Variants in EPB41L4B observed in about 807,000 individuals in gnomAD.
EPB41L4B encodes the protein erythrocyte membrane protein band 4.1 like 4B, also known as band 4.1-like protein 4B.
A neutral mutation model predicts 112.5 loss-of-function variants in EPB41L4B; 30 were observed. The ratio of observed to expected loss-of-function variants is 0.27; its 90% confidence interval spans 0.20 to 0.36. EPB41L4B has a LOEUF of 0.36. Ranked by LOEUF, EPB41L4B falls within the 10% of genes least tolerant of loss-of-function variation. EPB41L4B has a pLI of 1.00. For synonymous variants in EPB41L4B, 408 were observed against 439.7 expected, an observed-to-expected ratio of 0.93 and a Z score of 0.90; for missense variants, 1,024 against 1,133.3, an observed-to-expected ratio of 0.90 and a Z score of 1.38.
intron 1 of EPB41L4B, among the ~76,000 whole-genome samples, chr9:109,288,811 G>A (rs912062760): frequency 1.3e-5 from 2 of 150,816 alleles, no homozygotes; most frequent in Admixed American, 6.6e-5. Context: ...TGAGGTGGGA[G>A]GATCACTTGA....
chr9:109,255,937 T>TA (rs1025910228), intron 9 of EPB41L4B, 94 bp from the exon 10 acceptor site: 3,113 of 1,142,056 alleles, frequency 2.7e-3, no homozygotes, highest in Non-Finnish European at 3.2e-3. Flanking sequence ...AAGCTTAGAC[T>TA]AAAAAAAAAA....
chr9:109,187,807 C>T (rs1443817632), intron 22 of EPB41L4B, among the ~76,000 whole-genome samples: 6 of 152,282 alleles, frequency 3.9e-5, no homozygotes, highest in East Asian at 1.9e-4. Flanking sequence ...ACATAATGAG[C>T]GCCTTAAGGG....
At chr9:109,281,726 T>TA (rs1564317273) in intron 1 of EPB41L4B, among the ~76,000 whole-genome samples, 889 of 83,316 alleles carry the variant, frequency 0.011, no homozygotes, top group African/African-American at 0.013. Flanking sequence ...ATAAATAAAT[T>TA]AATTAATTAA....
intron 1 of EPB41L4B, among the ~76,000 whole-genome samples, chr9:109,286,964 G>C (rs1836310551): frequency 6.6e-6 from 1 of 152,182 alleles, no homozygotes; most frequent in African/African-American, 2.4e-5. Context: ...TTGCATCAAT[G>C]TTTTCTAGTT....
intron 19 of EPB41L4B, among the ~76,000 whole-genome samples, chr9:109,201,461 A>AAAAAGAAAAAT (rs1832827453): frequency 6.6e-6 from 1 of 151,840 alleles, no homozygotes; most frequent in Non-Finnish European, 1.5e-5. Context: ...AAAAAAAAAA[A>AAAAAGAAAAAT]AAAAGAAAAA....
intron 9 of EPB41L4B, 121 bp downstream of exon 9, chr9:109,256,015 G>T: frequency 8.8e-7 from 1 of 1,132,272 alleles, no homozygotes; most frequent in Non-Finnish European, 1.3e-6. Context: ...CACAACAGCA[G>T]CACCGTGTGC....
In EPB41L4B at chr9:109,320,901, C is replaced by T. The variant is rs1182307289; in HGVS notation, c.-455G>A. On this transcript the variant is annotated 5_prime_UTR_variant, in exon 1 of 26. Transcript: ENST00000374566. ...TGGTCCTGGCGCGCTCGCTCCCACT[C>T]GCCGCGCCGCGCCCGGGGCCCGAGG... is the stretch of plus-strand genomic sequence containing the variant. 6.6e-6 allele frequency: 1 copy of T among 151,594 alleles called. No homozygotes were observed. The highest frequency in any genetic ancestry group is 1.5e-5 in the Non-Finnish European group (1 of 68,958). 9.4% of individuals were successfully genotyped at this position (151,594 alleles called of 1,614,324 possible).
At chr9:109,241,210 A>G in intron 15 of EPB41L4B, 1 of 986,590 alleles carries the variant, frequency 1.0e-6, no homozygotes, top group Non-Finnish European at 1.2e-6. Flanking sequence ...CTCTTTTCAG[A>G]TGGGGAAAAT....
intron 1 of EPB41L4B, among the ~76,000 whole-genome samples, chr9:109,304,944 C>T (rs1338804933): frequency 1.3e-5 from 2 of 152,024 alleles, no homozygotes; most frequent in Non-Finnish European, 2.9e-5. Flanking sequence ...GACAATATTC[C>T]AGAGCCAGAT....
At chr9:109,202,260 C>T (rs1267720123) in intron 19 of EPB41L4B, among the ~76,000 whole-genome samples, 2 of 152,102 alleles carry the variant, frequency 1.3e-5, no homozygotes, top group African/African-American at 4.8e-5. Flanking sequence ...GGGTATGTAT[C>T]TCAGGAGTAA....
At position 109,207,796 on chromosome 9, in the gene EPB41L4B, C is replaced by A. The variant is rs553548820; in HGVS notation, c.1878+128G>T. On this transcript the variant is annotated intron_variant, in intron 18 of 25. Coordinates refer to ENST00000374566, the MANE Select transcript of EPB41L4B (RefSeq NM_019114.5). Reference sequence around the variant, plus strand: ...TCACATATCAGGTATGGTTCACATGCCCGGTTCTCATCTCCTGACTGGACC... The same window carrying A: ...TCACATATCAGGTATGGTTCACATGACCGGTTCTCATCTCCTGACTGGACC... 1,474 of 1,150,256 alleles carry A rather than the reference C, an allele frequency of 1.3e-3. 3 individuals are homozygous for A. Among genetic ancestry groups the A allele is most frequent in the Non-Finnish European group, 1.7e-3 (1,395 of 807,128 alleles). The allele number at this position is 1,150,256 out of a possible 1,614,324, so 71.3% of individuals were successfully genotyped here.
intron 24 of EPB41L4B, among the ~76,000 whole-genome samples, chr9:109,178,512 G>A (rs1831929674): frequency 6.6e-6 from 1 of 151,918 alleles, no homozygotes; most frequent in Admixed American, 6.6e-5. Context: ...AGTAGCTGGG[G>A]TTACAGGTGC....
intron 1 of EPB41L4B, among the ~76,000 whole-genome samples, chr9:109,290,783 C>CA (rs1491238756): frequency 7.2e-4 from 107 of 148,410 alleles, no homozygotes; most frequent in East Asian, 2.5e-3. Flanking sequence ...CACACACACA[C>CA]CCCCCACCAA....
In EPB41L4B at chr9:109,320,227, G is replaced by C. The variant is rs1837811857; in HGVS notation, c.220C>G (p.His74Asp). ...GPLLTGGAAV[H>D]ISAAGAAKAT... ...TTGGCGGCGCCGGCGGCGGAGATGTGCACGGCCGCGCCGCCGGTGAGCAGG... is the reference window on the plus strand; with the variant it reads ...TTGGCGGCGCCGGCGGCGGAGATGTCCACGGCCGCGCCGCCGGTGAGCAGG... Residue 74 changes from histidine (H) to aspartate (D), a missense_variant, in exon 1 of 26, where the codon CAC (histidine) becomes GAC (aspartate). Transcript: ENST00000374566. The C allele has an allele frequency of 7.6e-7, 1 of 1,314,806 alleles. No homozygotes were observed. The highest frequency in any genetic ancestry group is 9.7e-7 in the Non-Finnish European group (1 of 1,029,114). The allele number at this position is 1,314,806 out of a possible 1,614,324, so 81.4% of individuals were successfully genotyped here. A position where few individuals can be genotyped will look rare whatever the true frequency, so the allele number is the denominator to read the frequency against.
chr9:109,203,224 G>T (rs777323936), intron 19 of EPB41L4B, among the ~76,000 whole-genome samples: 2 of 152,184 alleles, frequency 1.3e-5, no homozygotes, highest in Non-Finnish European at 2.9e-5. Context: ...AAGAAGCTCA[G>T]CAGGCAGGGC....
intron 17 of EPB41L4B, among the ~76,000 whole-genome samples, chr9:109,211,880 T>A (rs1205641673): frequency 2.2e-5 from 3 of 134,036 alleles, no homozygotes; most frequent in African/African-American, 9.1e-5. Context: ...CACAACTTGC[T>A]AATTTTTGTA....
At chr9:109,236,837 G>A (rs185063127) in intron 15 of EPB41L4B, among the ~76,000 whole-genome samples, 3 of 152,142 alleles carry the variant, frequency 2.0e-5, no homozygotes, top group East Asian at 1.9e-4. Context: ...CTTATGCTTC[G>A]CCTCTGCATC....
chr9:109,268,608 T>A (rs1406103940), intron 2 of EPB41L4B, among the ~76,000 whole-genome samples, 175 bp from the exon 3 acceptor site: 1 of 152,082 alleles, frequency 6.6e-6, no homozygotes, highest in Admixed American at 6.6e-5. Flanking sequence ...GTATAAAAAA[T>A]TCAACGTTGG....
intron 23 of EPB41L4B, among the ~76,000 whole-genome samples, chr9:109,184,309 C>A (rs1832176883): frequency 6.6e-6 from 1 of 152,188 alleles, no homozygotes; most frequent in African/African-American, 2.4e-5. Flanking sequence ...AACCTCCGCC[C>A]CCCAGGTTCA....
Sources: gnomAD v4.1 joint callset for allele counts (sites outside exome capture counted in the v4.1 genomes callset) on GRCh38, gnomAD v4.1.1 for gene constraint, MANE v1.5 for transcripts, NCBI Gene and HGNC (gene_info 2026-07-23, HGNC 2026-07-21) for gene names.